CADPS: variants seen among roughly 807,000 people sequenced by gnomAD.
CADPS encodes calcium dependent secretion activator, also known as calcium-dependent secretion activator 1.
CADPS carries 57 observed loss-of-function variants against 167.3 expected under a neutral mutation model. The ratio of observed to expected loss-of-function variants is 0.34; its 90% CI spans 0.28 to 0.42. The LOEUF (loss-of-function observed/expected upper bound fraction) is 0.42. Among genes scored for constraint, CADPS ranks in the 20% least tolerant of loss-of-function variants. The pLI is 1.00. For missense variants in CADPS, 1,414 were observed against 1,738.1 expected, an observed-to-expected ratio of 0.81 and a Z score of 3.32; for synonymous variants, 676 against 635.3, an observed-to-expected ratio of 1.06 and a Z score of -0.96.
chr3:62,758,992 A>G (rs1487211045), intron 2 of CADPS, among the ~76,000 whole-genome samples: 2 of 152,224 alleles, frequency 1.3e-5, no homozygotes, highest in Non-Finnish European at 2.9e-5. Flanking sequence ...TCCTTTCAAT[A>G]TAAATAAGAA....
intron 18 of CADPS, among the ~76,000 whole-genome samples, chr3:62,497,763 G>C (rs1165747714): frequency 6.6e-6 from 1 of 152,124 alleles, no homozygotes; most frequent in African/African-American, 2.4e-5. Flanking sequence ...TGTTGAGGAA[G>C]ATTAGTATCA....
chr3:62,652,399 C>CAA (rs57075270), intron 4 of CADPS, among the ~76,000 whole-genome samples: 22 of 120,234 alleles, frequency 1.8e-4, no homozygotes, highest in East Asian at 4.7e-4. Flanking sequence ...TCTGTGTGGC[C>CAA]AAAAAAAAAA....
chr3:62,667,119 C>T (rs1380822133), intron 3 of CADPS, among the ~76,000 whole-genome samples: 3 of 143,568 alleles, frequency 2.1e-5, no homozygotes, highest in Admixed American at 7.3e-5. Context: ...GTTTCCTTAT[C>T]TGTAAAACTG....
At chr3:62,796,203 G>A (rs1193460128) in intron 1 of CADPS, 2 of 152,216 alleles carry the variant, frequency 1.3e-5, no homozygotes, top group Non-Finnish European at 2.9e-5. Flanking sequence ...AACAGCATAA[G>A]AGTTTGACCT....
At chr3:62,776,209 T>G (rs999015159) in intron 1 of CADPS, among the ~76,000 whole-genome samples, 6 of 152,114 alleles carry the variant, frequency 3.9e-5, no homozygotes, top group Admixed American at 1.3e-4. Flanking sequence ...TGCTAGGGTA[T>G]AGTCTTGGAG....
At chr3:62,790,177 A>G (rs1236273021) in intron 1 of CADPS, among the ~76,000 whole-genome samples, 1 of 152,186 alleles carries the variant, frequency 6.6e-6, no homozygotes, top group African/African-American at 2.4e-5. Flanking sequence ...AAATGTTCAT[A>G]AAGAGTATGC....
intron 1 of CADPS, among the ~76,000 whole-genome samples, chr3:62,777,326 T>C (rs1252950067): frequency 2.6e-5 from 4 of 152,216 alleles, no homozygotes; most frequent in African/African-American, 7.2e-5. Flanking sequence ...AACATTATCC[T>C]GTCAGCATGA....
At position 62,509,140 on chromosome 3, in the gene CADPS, T is replaced by C. The variant is rs1030241431; in HGVS notation, c.2599+3611A>G. ...CAACATGGTAAAACCCCATCTCTACTAAAAATACAAAAAATTAGCTGGGCA... is the reference window on the plus strand; with the variant it reads ...CAACATGGTAAAACCCCATCTCTACCAAAAATACAAAAAATTAGCTGGGCA... On this transcript the variant is annotated intron_variant, in intron 17 of 29. Coordinates refer to ENST00000383710, the MANE Select transcript of CADPS (RefSeq NM_003716.4). Among the ~76,000 whole-genome samples the C allele has an allele frequency of 2.6e-5, 4 of 151,838 alleles. 1 individual carries two copies. Among genetic ancestry groups the C allele is most frequent in the South Asian group, 4.2e-4 (2 of 4,814 alleles).
intron 13 of CADPS, among the ~76,000 whole-genome samples, chr3:62,519,444 C>T (rs2069865684): frequency 6.6e-6 from 1 of 152,038 alleles, no homozygotes; most frequent in Admixed American, 6.6e-5. Context: ...AATAAAAATG[C>T]CCTATTTGAA....
chr3:62,588,769 T>C (rs552150176), intron 7 of CADPS, among the ~76,000 whole-genome samples: 17 of 152,304 alleles, frequency 1.1e-4, no homozygotes, highest in Admixed American at 5.2e-4. Flanking sequence ...AATGTAGCTA[T>C]GTAAAAAGGA....
At chr3:62,430,836 C>T (rs917938560) in intron 28 of CADPS, among the ~76,000 whole-genome samples, 5 of 152,042 alleles carry the variant, frequency 3.3e-5, no homozygotes, top group African/African-American at 1.2e-4. Flanking sequence ...GGAAATGACA[C>T]TCTACAGCTG....
At chr3:62,780,522 C>G (rs2091368302) in intron 1 of CADPS, among the ~76,000 whole-genome samples, 2 of 152,082 alleles carry the variant, frequency 1.3e-5, no homozygotes, top group African/African-American at 4.8e-5. Flanking sequence ...GAATGAGGTC[C>G]TCTCATTCTC....
intron 3 of CADPS, among the ~76,000 whole-genome samples, chr3:62,745,183 A>G (rs1458918400): frequency 6.6e-6 from 1 of 152,106 alleles, no homozygotes; most frequent in East Asian, 1.9e-4. Flanking sequence ...CCCAGGCTCA[A>G]GTAATCCTCC....
Position 62,491,558 on chromosome 3 carries a change from AACACACACAC to A in CADPS, c.2885-88_2885-79del. On this transcript the variant is annotated intron_variant, in intron 20 of 29. Transcript: ENST00000383710. ...TACAACACACACACACACACACACA[AACACACACAC>A]ACACACACACACACACAGATGATTG... 16 of 525,508 alleles carry A rather than the reference AACACACACAC, an allele frequency of 3.0e-5. No individual in the cohort carries two copies. In the East Asian group the frequency reaches 4.5e-4, roughly 15 times the overall value. 32.6% of individuals were successfully genotyped at this position (525,508 alleles called of 1,614,324 possible).
At chr3:62,731,805 CAAAAAAAAAAAA>C (rs1212456893) in intron 3 of CADPS, among the ~76,000 whole-genome samples, 1 of 27,136 alleles carries the variant, frequency 3.7e-5, no homozygotes, top group Non-Finnish European at 6.4e-5. Context: ...TGATCATATG[CAAAAAAAAAAAA>C]AAAAAAAAAA....
intron 13 of CADPS, among the ~76,000 whole-genome samples, chr3:62,523,326 A>G (rs1044696367): frequency 6.6e-6 from 1 of 152,178 alleles, no homozygotes; most frequent in Admixed American, 6.5e-5. Flanking sequence ...GGATTAATAT[A>G]ATGAAGTACT....
chr3:62,626,235 C>A, intron 6 of CADPS: 1 of 276,416 alleles, frequency 3.6e-6, no homozygotes, highest in Non-Finnish European at 6.7e-6. Context: ...GAAGACAAAG[C>A]CAGCTAAGGG....
intron 3 of CADPS, among the ~76,000 whole-genome samples, chr3:62,663,940 T>C (rs189465967): frequency 1.3e-5 from 2 of 152,166 alleles, no homozygotes; most frequent in African/African-American, 4.8e-5. Context: ...TTCCAAAGGG[T>C]GTTCTGTTAC....
intron 26 of CADPS, among the ~76,000 whole-genome samples, chr3:62,449,629 C>T (rs1560528102): frequency 6.6e-6 from 1 of 152,158 alleles, no homozygotes; most frequent in African/African-American, 2.4e-5. Flanking sequence ...ATGCACCAGG[C>T]ACTGTATCTA....
Sources: allele counts gnomAD v4.1 joint callset (sites outside exome capture counted in the v4.1 genomes callset), GRCh38; gene constraint gnomAD v4.1.1; transcripts MANE v1.5; gene names NCBI Gene and HGNC (gene_info 2026-07-23, HGNC 2026-07-21).